TCF20: variants seen among roughly 807,000 people sequenced by gnomAD.
The protein encoded by TCF20 is transcription factor 20, also known as SPRE-binding protein.
A neutral mutation model predicts 148.6 loss-of-function variants in TCF20; 3 were observed. The ratio of observed to expected loss-of-function variants is 0.02; its 90% CI spans 0.01 to 0.05. The LOEUF is 0.05. TCF20 is among the 10% of genes least tolerant of loss of function. The pLI, the probability that TCF20 is intolerant of heterozygous loss-of-function variation, is 1.00. For missense variants in TCF20, 2,350 were observed against 2,429.3 expected (o/e 0.97, Z 0.69); for synonymous variants, 1,049 against 909.5 (o/e 1.15, Z -2.76).
intron 1 of TCF20, among the ~76,000 whole-genome samples, chr22:42,327,620 T>A (rs992671327): frequency 2.0e-5 from 3 of 151,930 alleles, no homozygotes; most frequent in Admixed American, 2.0e-4. Context: ...AGTGAGCCCA[T>A]TTTATAGATG....
intron 5 of TCF20, among the ~76,000 whole-genome samples, chr22:42,166,184 G>A (rs945801616): frequency 6.6e-6 from 1 of 152,254 alleles, no homozygotes; most frequent in Non-Finnish European, 1.5e-5. Context: ...ACTGGATGCA[G>A]TGAGTCCATC....
chr22:42,264,451 CCCTT>C (rs761143011), intron 1 of TCF20, among the ~76,000 whole-genome samples: 38 of 152,184 alleles, frequency 2.5e-4, no homozygotes, highest in Non-Finnish European at 4.0e-4. Flanking sequence ...CTAATGATCT[CCCTT>C]AAGCTCTTTT....
At chr22:42,330,927 C>T (rs1404423269) in intron 1 of TCF20, among the ~76,000 whole-genome samples, 3 of 152,208 alleles carry the variant, frequency 2.0e-5, no homozygotes, top group Admixed American at 1.3e-4. Flanking sequence ...TGCCAAGTCC[C>T]CCACCCCTGA....
upstream of TCF20, among the ~76,000 whole-genome samples, chr22:42,286,339 G>A (rs1927030874): frequency 6.6e-6 from 1 of 152,090 alleles, no homozygotes; most frequent in Admixed American, 6.5e-5. Flanking sequence ...TTGAAGAACT[G>A]CAATTCAGTT....
chr22:42,210,812 A>C lies in TCF20; in HGVS notation c.4494T>G (p.Pro1498=). 1 of 1,614,088 alleles carries C rather than the reference A, an allele frequency of 6.2e-7. No homozygotes were observed. Among genetic ancestry groups the C allele is most frequent in the South Asian group, 1.1e-5 (1 of 91,066 alleles). ...PLIFPDSKNV[P]PVGILAPEAN... ...CCTCAGGGGCCAATATGCCCACTGG[A>C]GGTACATTCTTTGAGTCTGGAAAGA... The change falls in exon 2 of 6, where the codon CCT becomes CCG. Residue 1498 remains proline, a synonymous_variant. Coordinates refer to ENST00000677622, the MANE Select transcript of TCF20 (RefSeq NM_001378418.1). This position sits in a 1 kb window ranked among gnomAD's most constrained non-coding sequence, Gnocchi z 4.7.
At chr22:42,321,036 T>A (rs1326995739) in intron 1 of TCF20, among the ~76,000 whole-genome samples, 1 of 152,170 alleles carries the variant, frequency 6.6e-6, no homozygotes, top group East Asian at 1.9e-4. Context: ...TGGCTGAGAA[T>A]TTAAATACAC....
chr22:42,227,909 A>C (rs140882735), intron 1 of TCF20, among the ~76,000 whole-genome samples: 173 of 152,308 alleles, frequency 1.1e-3, no homozygotes, highest in African/African-American at 4.0e-3. Context: ...AGCTTATTAG[A>C]GATGTAGTGT....
chr22:42,222,789 T>C (rs1922497589), intron 1 of TCF20, among the ~76,000 whole-genome samples: 1 of 152,206 alleles, frequency 6.6e-6, no homozygotes, highest in African/African-American at 2.4e-5. Flanking sequence ...GGCTTTACCT[T>C]GCTTAGTAAA....
chr22:42,319,985 G>C (rs1024568620), intron 1 of TCF20, among the ~76,000 whole-genome samples: 1 of 151,952 alleles, frequency 6.6e-6, no homozygotes. Flanking sequence ...TCTACTCCAG[G>C]CTCTACCCCA....
chr22:42,219,568 A>C (rs1250871616), intron 1 of TCF20, among the ~76,000 whole-genome samples: 1 of 151,326 alleles, frequency 6.6e-6, no homozygotes, highest in African/African-American at 2.4e-5. Flanking sequence ...CACACTCTAA[A>C]AAAGAGGCTG....
At chr22:42,252,656 G>C (rs1362639605) in intron 1 of TCF20, among the ~76,000 whole-genome samples, 1 of 152,084 alleles carries the variant, frequency 6.6e-6, no homozygotes, top group Non-Finnish European at 1.5e-5. Flanking sequence ...TCACCTTGTT[G>C]GCCAGGATGG....
intron 1 of TCF20, 135 bp from the exon 2 acceptor site, chr22:42,215,476 T>C: frequency 1.6e-6 from 2 of 1,246,936 alleles, no homozygotes; most frequent in Non-Finnish European, 2.1e-6. Flanking sequence ...TATTTTTTTT[T>C]TTTGGTTTTT....
At chr22:42,248,855 A>G (rs1195006120) in intron 1 of TCF20, among the ~76,000 whole-genome samples, 2 of 152,192 alleles carry the variant, frequency 1.3e-5, no homozygotes, top group African/African-American at 2.4e-5. Flanking sequence ...GGAGATGCCT[A>G]TGGGTACCAA....
At chr22:42,324,689 T>C (rs75331647) in intron 1 of TCF20, among the ~76,000 whole-genome samples, 9,686 of 62,768 alleles carry the variant, frequency 0.15, 395 homozygotes, top group South Asian at 0.34. Context: ...TCTCCACCAT[T>C]TGAGAAAAAA....
At chr22:42,311,106 G>A (rs1165269684) in intron 1 of TCF20, among the ~76,000 whole-genome samples, 2 of 152,146 alleles carry the variant, frequency 1.3e-5, no homozygotes, top group Non-Finnish European at 2.9e-5. Flanking sequence ...GGAATCGGGG[G>A]ACAGGGGGGT....
At chr22:42,265,733 AAT>A (rs1402215394) in intron 1 of TCF20, among the ~76,000 whole-genome samples, 1 of 152,202 alleles carries the variant, frequency 6.6e-6, no homozygotes, top group Non-Finnish European at 1.5e-5. Context: ...GTCTTTGGTA[AAT>A]ATATCTTTTG....
intron 1 of TCF20, among the ~76,000 whole-genome samples, chr22:42,236,554 C>T (rs1363420553): frequency 6.6e-6 from 1 of 152,220 alleles, no homozygotes; most frequent in African/African-American, 2.4e-5. Context: ...GGCAGATGGC[C>T]TCTAAAGTGC....
chr22:42,177,609 T>C (rs1015717440), intron 3 of TCF20, among the ~76,000 whole-genome samples: 8 of 152,134 alleles, frequency 5.3e-5, no homozygotes, highest in Non-Finnish European at 1.0e-4. Context: ...TTTAACAAAA[T>C]GTTTCCCTTC....
intron 1 of TCF20, among the ~76,000 whole-genome samples, chr22:42,216,760 T>C (rs1921852052): frequency 6.6e-6 from 1 of 152,212 alleles, no homozygotes; most frequent in African/African-American, 2.4e-5. Context: ...TAGGAATTCA[T>C]CAAGCCTAGG....
Sources: allele counts gnomAD v4.1 joint callset (sites outside exome capture counted in the v4.1 genomes callset), GRCh38; gene constraint gnomAD v4.1.1; non-coding constraint Gnocchi (gnomAD v3.1); transcripts MANE v1.5; gene names NCBI Gene and HGNC (gene_info 2026-07-23, HGNC 2026-07-21).